Variants in DNAH14 observed in about 807,000 individuals in gnomAD.
DNAH14 encodes the protein dynein axonemal heavy chain 14.
A neutral mutation model predicts 520.9 loss-of-function variants in DNAH14; 478 were observed. The observed-to-expected ratio is 0.92, with a 90% confidence interval of 0.85 to 0.99. The LOEUF (loss-of-function observed/expected upper bound fraction) is 0.99. Ranked by LOEUF, DNAH14 falls within the 50% of genes least tolerant of loss-of-function variation. The pLI, the probability that DNAH14 is intolerant of heterozygous loss-of-function variation, is 0.00. For missense variants in DNAH14, 4,831 were observed against 5,234.5 expected (o/e 0.92, Z 2.38); for synonymous variants, 1,581 against 1,757.2 (o/e 0.90, Z 2.51).
At chr1:225,071,531 G>T (rs3102113) in intron 17 of DNAH14, among the ~76,000 whole-genome samples, 1 of 152,028 alleles carries the variant, frequency 6.6e-6, no homozygotes, top group South Asian at 2.1e-4. Flanking sequence ...GATTTGTAGG[G>T]TTTCCACTGA....
intron 23 of DNAH14, among the ~76,000 whole-genome samples, chr1:225,104,280 G>A (rs1274555278): frequency 1.3e-5 from 2 of 152,078 alleles, no homozygotes; most frequent in African/African-American, 2.4e-5. Flanking sequence ...TGCTGGATTC[G>A]GTTTACCAGT....
intron 3 of DNAH14, among the ~76,000 whole-genome samples, chr1:224,957,508 A>AT (rs201476087): frequency 0.055 from 8,348 of 152,130 alleles, 462 homozygotes; most frequent in East Asian, 0.23. Flanking sequence ...AAGTGAGACT[A>AT]AAACAGGGCC....
intron 17 of DNAH14, among the ~76,000 whole-genome samples, chr1:225,078,244 A>G (rs565275565): frequency 1.3e-5 from 2 of 152,312 alleles, no homozygotes; most frequent in South Asian, 2.1e-4. Flanking sequence ...TCTTGGTACA[A>G]TAAACCCTCT....
intron 78 of DNAH14, among the ~76,000 whole-genome samples, 166 bp downstream of exon 78, chr1:225,375,051 A>G (rs1575092804): frequency 6.6e-6 from 1 of 152,324 alleles, no homozygotes; most frequent in African/African-American, 2.4e-5. Flanking sequence ...TAAACACAAC[A>G]TTATGCAGGG....
chr1:225,060,039 C>T (rs1167499996), intron 17 of DNAH14, among the ~76,000 whole-genome samples: 3 of 151,628 alleles, frequency 2.0e-5, no homozygotes, highest in South Asian at 2.1e-4. Flanking sequence ...ATCTTTGTGG[C>T]GTTCTCTGTA....
intron 74 of DNAH14, 114 bp downstream of exon 74, chr1:225,358,766 G>A: frequency 9.0e-7 from 1 of 1,108,934 alleles, no homozygotes; most frequent in Non-Finnish European, 1.3e-6. Flanking sequence ...GGCGAGACCA[G>A]GTAGAGGTAA....
Position 225,258,031 on chromosome 1 carries a change from A to T in DNAH14, c.6937A>T (p.Ile2313Phe). The change falls in exon 45 of 86, where the codon ATT (isoleucine) becomes TTT (phenylalanine). Residue 2313 changes from isoleucine to phenylalanine, a missense_variant. By Grantham distance (21) the Ile-to-Phe change is conservative. Transcript: ENST00000682510. ...GAAGATAACAGAATGTGGAGAATGC[A>T]TTAATTATACCGCTACCAGAGACAC... ...FLKITECGEC[I>F]NYTATRDTTC... The T allele has an allele frequency of 1.3e-5, 20 of 1,550,350 alleles. No homozygotes were observed. The highest frequency in any genetic ancestry group is 1.7e-5 in the Non-Finnish European group (20 of 1,146,448).
intron 1 of DNAH14, among the ~76,000 whole-genome samples, chr1:224,930,813 T>A (rs1040601574): frequency 1.3e-5 from 2 of 152,336 alleles, no homozygotes; most frequent in South Asian, 2.1e-4. Context: ...TTAGCCAGGA[T>A]GATCTCGATT....
At chr1:225,141,050 C>A in intron 28 of DNAH14, 29 bp downstream of exon 28, 1 of 1,485,834 alleles carries the variant, frequency 6.7e-7, no homozygotes, top group Non-Finnish European at 9.0e-7. Flanking sequence ...TAACTACATA[C>A]AATAACTTCT....
chr1:225,124,858 T>G (rs1293466287), intron 27 of DNAH14, among the ~76,000 whole-genome samples: 2 of 150,446 alleles, frequency 1.3e-5, no homozygotes, highest in Non-Finnish European at 3.0e-5. Flanking sequence ...AGCTATAGCC[T>G]TATGAAATGT....
intron 36 of DNAH14, among the ~76,000 whole-genome samples, chr1:225,173,740 C>A (rs1034250265): frequency 1.3e-5 from 2 of 152,150 alleles, no homozygotes; most frequent in African/African-American, 4.8e-5. Context: ...TACCATTTGA[C>A]CCAGCCATCC....
chr1:225,038,740 T>C lies in DNAH14; in HGVS notation c.1405T>C (p.Cys469Arg). ...TCCTACTGGAAAGACAACAAATGAT[T>C]GTGAAGAACTTGTTGATAATTCAAA... ...SFPTGKTTNDCEELVDNSKLH... is the reference protein window; with the variant it reads ...SFPTGKTTNDREELVDNSKLH... The change falls in exon 12 of 86, where the codon TGT becomes CGT. Residue 469 changes from cysteine (C) to arginine (R), a missense_variant. By Grantham distance (180) the Cys-to-Arg change is radical. Transcript: ENST00000682510. 6.5e-7 allele frequency: 1 copy of C among 1,536,334 alleles called. No individual in the cohort carries two copies.
intron 55 of DNAH14, among the ~76,000 whole-genome samples, chr1:225,291,342 T>C (rs978468674): frequency 4.6e-5 from 7 of 152,168 alleles, no homozygotes; most frequent in Non-Finnish European, 7.4e-5. Flanking sequence ...AGATGTTTTC[T>C]TGATATACTG....
intron 18 of DNAH14, 82 bp from the exon 19 acceptor site, chr1:225,080,297 A>G (rs567140130): frequency 3.6e-4 from 479 of 1,339,854 alleles, no homozygotes; most frequent in Admixed American, 1.5e-3. Flanking sequence ...TAGATTATAT[A>G]CTAAAATGCT....
At chr1:225,079,974 A>G (rs913520202) in intron 18 of DNAH14, among the ~76,000 whole-genome samples, 1 of 152,118 alleles carries the variant, frequency 6.6e-6, no homozygotes, top group Non-Finnish European at 1.5e-5. Flanking sequence ...TGACCGGCCA[A>G]TACAAGTATT....
At chr1:225,270,138 A>C (rs1271921745) in intron 49 of DNAH14, among the ~76,000 whole-genome samples, 1 of 152,144 alleles carries the variant, frequency 6.6e-6, no homozygotes, top group African/African-American at 2.4e-5. Flanking sequence ...AATACTATGC[A>C]GCCATAAAAA....
intron 17 of DNAH14, among the ~76,000 whole-genome samples, chr1:225,064,908 A>G (rs950249405): frequency 2.0e-5 from 3 of 151,974 alleles, no homozygotes; most frequent in African/African-American, 7.2e-5. Flanking sequence ...CTATATACAA[A>G]TTATGTTTCA....
chr1:225,379,635 C>T (rs998742380), intron 79 of DNAH14, among the ~76,000 whole-genome samples: 1 of 151,964 alleles, frequency 6.6e-6, no homozygotes, highest in Non-Finnish European at 1.5e-5. Context: ...TCAAGTGATT[C>T]TCGTGCCTCA....
intron 8 of DNAH14, among the ~76,000 whole-genome samples, chr1:224,999,906 A>G (rs1037767471): frequency 1.3e-5 from 2 of 152,146 alleles, no homozygotes; most frequent in Non-Finnish European, 2.9e-5. Flanking sequence ...TTTATCAAAC[A>G]TTGTTATAAT....
Sources: allele counts gnomAD v4.1 joint callset (sites outside exome capture counted in the v4.1 genomes callset), GRCh38; gene constraint gnomAD v4.1.1; transcripts MANE v1.5; gene names NCBI Gene and HGNC (gene_info 2026-07-23, HGNC 2026-07-21).